The following CBLB variants were observed in gnomAD, a reference collection of about 807,000 sequenced individuals.
CBLB encodes the protein Cbl proto-oncogene B, also known as E3 ubiquitin-protein ligase CBL-B.
In CBLB, 31 loss-of-function variants were observed where a neutral mutation model predicts 104.9. The observed-to-expected ratio is 0.30, with a 90% CI of 0.22 to 0.40. CBLB has a LOEUF of 0.40. Ranked by LOEUF, CBLB falls within the 10% of genes least tolerant of loss-of-function variation. The pLI is 1.00. For missense variants in CBLB, 1,062 were observed against 1,214.6 expected (o/e 0.87, Z 1.87); for synonymous variants, 440 against 422.6 (o/e 1.04, Z -0.51).
At chr3:105,779,498 T>C (rs1391511427) in intron 3 of CBLB, among the ~76,000 whole-genome samples, 1 of 152,084 alleles carries the variant, frequency 6.6e-6, no homozygotes, top group Non-Finnish European at 1.5e-5. Flanking sequence ...TGAATATATA[T>C]ATGCATATAT....
intron 4 of CBLB, among the ~76,000 whole-genome samples, chr3:105,770,425 C>T (rs563244408): frequency 1.5e-3 from 231 of 152,242 alleles, no homozygotes; most frequent in Admixed American, 3.5e-3. Context: ...AAGTAGGAGC[C>T]GCAGCAGGAC....
At chr3:105,686,961 G>A (rs2067085775) in intron 13 of CBLB, among the ~76,000 whole-genome samples, 1 of 152,036 alleles carries the variant, frequency 6.6e-6, no homozygotes, top group South Asian at 2.1e-4. Flanking sequence ...TCCAATTAAA[G>A]GAAGTTAAGT....
chr3:105,681,215 T>G (rs2066278436), intron 16 of CBLB: 1 of 533,342 alleles, frequency 1.9e-6, no homozygotes, highest in Non-Finnish European at 3.3e-6. Flanking sequence ...AAAGCTCTCA[T>G]GTGTTTTTAG....
At chr3:105,765,776 C>T (rs6796643) in intron 4 of CBLB, among the ~76,000 whole-genome samples, 37,547 of 152,056 alleles carry the variant, frequency 0.25, 4,832 homozygotes, top group Non-Finnish European at 0.28. Context: ...TGGCAATGCC[C>T]CTGATCACCC....
intron 3 of CBLB, among the ~76,000 whole-genome samples, chr3:105,841,610 G>A (rs1029175417): frequency 6.6e-6 from 1 of 151,422 alleles, no homozygotes; most frequent in African/African-American, 2.4e-5. Context: ...CCGCCACCAC[G>A]CCCAGCTAAT....
intron 10 of CBLB, among the ~76,000 whole-genome samples, chr3:105,708,712 T>C (rs2070605677): frequency 6.6e-6 from 1 of 151,992 alleles, no homozygotes; most frequent in Non-Finnish European, 1.5e-5. Flanking sequence ...GGTGGTGTTA[T>C]CTGTAGATTA....
At chr3:105,812,673 T>A (rs1167842766) in intron 3 of CBLB, among the ~76,000 whole-genome samples, 1 of 152,132 alleles carries the variant, frequency 6.6e-6, no homozygotes, top group Admixed American at 6.6e-5. Context: ...CCCTGTGAGA[T>A]GAAGATACAA....
chr3:105,686,770 T>A (rs2067060060), intron 13 of CBLB, among the ~76,000 whole-genome samples: 1 of 152,142 alleles, frequency 6.6e-6, no homozygotes, highest in Admixed American at 6.5e-5. Context: ...TCAATACTGA[T>A]CTTTAAATTC....
intron 9 of CBLB, among the ~76,000 whole-genome samples, chr3:105,723,619 T>A (rs962157644): frequency 3.3e-5 from 5 of 151,952 alleles, no homozygotes; most frequent in African/African-American, 4.8e-5. Flanking sequence ...TAGAAAAAAA[T>A]TTTAAACCTT....
intron 5 of CBLB, among the ~76,000 whole-genome samples, chr3:105,750,358 T>A (rs2076488898): frequency 6.6e-6 from 1 of 152,164 alleles, no homozygotes. Flanking sequence ...CCAAGCAGAA[T>A]TATAAATCAG....
In CBLB at chr3:105,868,986, G is replaced by C; in HGVS notation, c.-265C>G. On this transcript the variant is annotated 5_prime_UTR_variant, in exon 1 of 19. Transcript: ENST00000394030. ...GCCGCGGGACGCCGCAGCAGCACTA[G>C]CAGGAGGAGGAGACCGCTCGCTGGA... The C allele has an allele frequency of 9.5e-7, 1 of 1,047,632 alleles. No individual in the cohort carries two copies. Among genetic ancestry groups the C allele is most frequent in the Non-Finnish European group, 1.2e-6 (1 of 869,362 alleles). The allele number at this position is 1,047,632 out of a possible 1,614,324, so 64.9% of individuals were successfully genotyped here.
intron 18 of CBLB, among the ~76,000 whole-genome samples, chr3:105,663,898 C>T (rs949267944): frequency 2.2e-5 from 1 of 46,080 alleles, no homozygotes; most frequent in Non-Finnish European, 4.3e-5. Context: ...GGACAGAAAG[C>T]TTATTAGGAA....
At chr3:105,741,929 C>G (rs2075636840) in intron 6 of CBLB, among the ~76,000 whole-genome samples, 1 of 152,196 alleles carries the variant, frequency 6.6e-6, no homozygotes, top group Non-Finnish European at 1.5e-5. Flanking sequence ...ATGTCAAATT[C>G]AGTATCTTAC....
chr3:105,837,916 G>A (rs1321411547), intron 3 of CBLB, among the ~76,000 whole-genome samples: 1 of 151,904 alleles, frequency 6.6e-6, no homozygotes, highest in East Asian at 1.9e-4. Context: ...CCAGGCCCCA[G>A]CAGCTCGTAA....
intron 3 of CBLB, among the ~76,000 whole-genome samples, chr3:105,784,828 G>C (rs1321977335): frequency 6.6e-6 from 1 of 152,094 alleles, no homozygotes; most frequent in Non-Finnish European, 1.5e-5. Context: ...AGTATTTCTA[G>C]TGTCCTTTCC....
At chr3:105,782,342 A>G (rs2080356833) in intron 3 of CBLB, among the ~76,000 whole-genome samples, 1 of 152,224 alleles carries the variant, frequency 6.6e-6, no homozygotes, top group Non-Finnish European at 1.5e-5. Flanking sequence ...CAGGCAGGAC[A>G]ATTTTTCAAC....
chr3:105,851,825 G>A (rs188957644), intron 3 of CBLB, among the ~76,000 whole-genome samples: 34 of 152,264 alleles, frequency 2.2e-4, no homozygotes, highest in Non-Finnish European at 4.0e-4. Context: ...TTCAGTTAAT[G>A]ACAGACTGCA....
chr3:105,782,312 G>A (rs1191553242), intron 3 of CBLB, among the ~76,000 whole-genome samples: 1 of 152,146 alleles, frequency 6.6e-6, no homozygotes, highest in Non-Finnish European at 1.5e-5. Context: ...GTGCGCCTAG[G>A]AACAACCTAA....
At chr3:105,669,724 T>C (rs1239436298) in intron 18 of CBLB, among the ~76,000 whole-genome samples, 1 of 152,172 alleles carries the variant, frequency 6.6e-6, no homozygotes, top group Non-Finnish European at 1.5e-5. Context: ...AGGGAAAGCC[T>C]CCTCAAGAAG....
Sources: gnomAD v4.1 joint callset for allele counts (sites outside exome capture counted in the v4.1 genomes callset) on GRCh38, gnomAD v4.1.1 for gene constraint, MANE v1.5 for transcripts, NCBI Gene and HGNC (gene_info 2026-07-23, HGNC 2026-07-21) for gene names.